Variants in SHANK2 observed in about 807,000 individuals in gnomAD.
SHANK2 encodes SH3 and multiple ankyrin repeat domains protein 2.
A neutral mutation model predicts 133.7 loss-of-function variants in SHANK2; 43 were observed. The observed-to-expected ratio is 0.32, with a 90% confidence interval of 0.25 to 0.41. The LOEUF (loss-of-function observed/expected upper bound fraction) is 0.41, where lower values mean the gene tolerates loss of function less well. Ranked by LOEUF, SHANK2 falls within the 10% of genes least tolerant of loss-of-function variation. The pLI, the probability that SHANK2 is intolerant of heterozygous loss-of-function variation, is 1.00. For missense variants in SHANK2, 1,994 were observed against 2,235.8 expected (o/e 0.89, Z 2.18); for synonymous variants, 1,017 against 952.8 (o/e 1.07, Z -1.24).
chr11:70,486,942 G>C lies in SHANK2; in HGVS notation c.3351C>G (p.Pro1117=), dbSNP rs142550207. Residue 1117 remains proline (P), a synonymous_variant, in exon 25 of 26, where the codon CCC becomes CCG. Coordinates refer to ENST00000601538, the MANE Select transcript of SHANK2 (RefSeq NM_012309.5). The surrounding 1 kb of genome is among the most constrained non-coding windows in gnomAD (Gnocchi z 8.0). ...ACATGGAGGGCCGCGTCCTGGGGGC[G>C]GGTGGCCCCAGGCCCACATCCTCAT... The part of the protein sequence containing the change: ...LGDEDVGLGP[P]APRTRPSMFP... The C allele has an allele frequency of 4.1e-4, 668 of 1,612,338 alleles. 1 individual carries two copies. The African/African-American group carries it at 8.1e-3, about 20-fold the overall frequency.
intron 11 of SHANK2, among the ~76,000 whole-genome samples, chr11:70,841,566 G>A (rs1948905324): frequency 6.6e-6 from 1 of 152,234 alleles, no homozygotes; most frequent in East Asian, 1.9e-4. Context: ...AAGCCCTGTG[G>A]TGCCACATTC....
At chr11:70,937,028 T>G (rs1200488412) in intron 10 of SHANK2, among the ~76,000 whole-genome samples, 1 of 152,196 alleles carries the variant, frequency 6.6e-6, no homozygotes, top group Non-Finnish European at 1.5e-5. Context: ...CGCTTTTAAG[T>G]TGGAAGACCG....
chr11:71,207,063 G>A (rs1366312081), intron 2 of SHANK2, among the ~76,000 whole-genome samples: 2 of 151,194 alleles, frequency 1.3e-5, no homozygotes, highest in Non-Finnish European at 2.9e-5. Context: ...TCCAGCCTGG[G>A]TGACAGAGTG....
In SHANK2 at chr11:70,820,429, T is replaced by A; in HGVS notation, c.1428A>T (p.Pro476=). Residue 476 remains proline, a synonymous_variant, in exon 12 of 26, where the codon CCA becomes CCT. Coordinates refer to ENST00000601538, the MANE Select transcript of SHANK2 (RefSeq NM_012309.5). ...SYVPGPRSRS[P]SLNRLGGAGE... ...CTGCGCCGCCCAGCCTGTTGAGCGA[T>A]GGGGACCGGCTGCGGGGCCCGGGCA... 1.4e-6 allele frequency: 1 copy of A among 708,984 alleles called. No individual in the cohort carries two copies. The highest frequency in any genetic ancestry group is 2.6e-6 in the Non-Finnish European group (1 of 378,836). 43.9% of individuals were successfully genotyped at this position (708,984 alleles called of 1,614,324 possible).
At chr11:70,553,851 C>G (rs61123231) in intron 17 of SHANK2, among the ~76,000 whole-genome samples, 7,835 of 152,274 alleles carry the variant, frequency 0.051, 653 homozygotes, top group African/African-American at 0.18. Flanking sequence ...AGAGCCCAGT[C>G]ACATCAGGAG....
intron 1 of SHANK2, among the ~76,000 whole-genome samples, chr11:71,229,943 A>G (rs1954713883): frequency 6.6e-6 from 1 of 152,190 alleles, no homozygotes; most frequent in South Asian, 2.1e-4. Flanking sequence ...TCAGAAGGTC[A>G]ATTTTTCCCA....
intron 17 of SHANK2, among the ~76,000 whole-genome samples, chr11:70,532,696 T>A (rs909738724): frequency 5.4e-5 from 8 of 148,832 alleles, no homozygotes; most frequent in African/African-American, 2.0e-4. Flanking sequence ...AGTGAAAGAG[T>A]TTGAAGGTTC....
intron 2 of SHANK2, among the ~76,000 whole-genome samples, chr11:71,181,807 T>C (rs1758004266): frequency 6.6e-6 from 1 of 152,052 alleles, no homozygotes; most frequent in African/African-American, 2.4e-5. Context: ...AGCAATAAGA[T>C]GTTCAGGTTC....
intron 8 of SHANK2, among the ~76,000 whole-genome samples, chr11:71,088,307 TAC>T (rs1200021421): frequency 1.3e-5 from 2 of 152,092 alleles, no homozygotes; most frequent in Admixed American, 1.3e-4. Flanking sequence ...TCTGTATCTG[TAC>T]ACACACACAC....
At chr11:70,591,422 TAGA>T (rs1361104844) in intron 17 of SHANK2, among the ~76,000 whole-genome samples, 7 of 151,560 alleles carry the variant, frequency 4.6e-5, no homozygotes, top group South Asian at 2.1e-4. Context: ...AACCAAAAGA[TAGA>T]AGAAGGAGCC....
intron 9 of SHANK2, among the ~76,000 whole-genome samples, chr11:71,064,765 G>A (rs1951028139): frequency 6.6e-6 from 1 of 152,082 alleles, no homozygotes; most frequent in Non-Finnish European, 1.5e-5. Context: ...GAAACAGGAG[G>A]TGGCCAGGTT....
intron 11 of SHANK2, among the ~76,000 whole-genome samples, chr11:70,867,060 C>G (rs1365945085): frequency 6.7e-6 from 1 of 148,866 alleles, no homozygotes; most frequent in African/African-American, 2.5e-5. Flanking sequence ...ATGGACAGCA[C>G]AGAAGGGAAA....
chr11:70,626,217 G>A (rs2060903564), intron 17 of SHANK2, among the ~76,000 whole-genome samples: 1 of 152,214 alleles, frequency 6.6e-6, no homozygotes, highest in East Asian at 1.9e-4. Flanking sequence ...TCCACTCAAT[G>A]CCTCATCCTC....
chr11:70,499,495 G>C (rs998708894), intron 21 of SHANK2, among the ~76,000 whole-genome samples: 3 of 152,208 alleles, frequency 2.0e-5, no homozygotes, highest in Admixed American at 6.5e-5. Flanking sequence ...AGGGACTTCT[G>C]TTGTCCCACG....
At chr11:70,892,020 A>T (rs782604164) in intron 11 of SHANK2, among the ~76,000 whole-genome samples, 1 of 152,178 alleles carries the variant, frequency 6.6e-6, no homozygotes, top group African/African-American at 2.4e-5. Context: ...CTAAAACATG[A>T]TGTCTCTCGA....
intron 17 of SHANK2, among the ~76,000 whole-genome samples, chr11:70,595,197 G>A (rs1591625984): frequency 6.6e-6 from 1 of 152,122 alleles, no homozygotes; most frequent in African/African-American, 2.4e-5. Context: ...GGATGGAGTG[G>A]GGGGTGGCCC....
chr11:70,502,007 A>C, intron 19 of SHANK2, 76 bp from the exon 20 acceptor site: 1 of 1,492,662 alleles, frequency 6.7e-7, no homozygotes, highest in Non-Finnish European at 9.1e-7. Context: ...ACTAGCAACA[A>C]CGCCCCGCGA....
chr11:70,760,449 C>T (rs1946970609), intron 14 of SHANK2, among the ~76,000 whole-genome samples: 1 of 152,224 alleles, frequency 6.6e-6, no homozygotes, highest in Non-Finnish European at 1.5e-5. Flanking sequence ...CTTCTAAGGT[C>T]ACCTGCCATT....
At chr11:70,673,255 T>C (rs1414656024) in intron 15 of SHANK2, among the ~76,000 whole-genome samples, 1 of 151,582 alleles carries the variant, frequency 6.6e-6, no homozygotes, top group Non-Finnish European at 1.5e-5. Flanking sequence ...CAAGTCACAC[T>C]GAAGCCTCAG....
Sources: allele counts gnomAD v4.1 joint callset (sites outside exome capture counted in the v4.1 genomes callset), GRCh38; gene constraint gnomAD v4.1.1; non-coding constraint Gnocchi (gnomAD v3.1); transcripts MANE v1.5; gene names NCBI Gene and HGNC (gene_info 2026-07-23, HGNC 2026-07-21).